The following MYO5A variants were observed in gnomAD, a reference collection of about 807,000 sequenced individuals.
MYO5A encodes the protein unconventional myosin-Va.
MYO5A carries 98 observed loss-of-function variants against 249.7 expected under a neutral mutation model. The observed-to-expected ratio is 0.39, with a 90% CI of 0.33 to 0.46. The LOEUF (loss-of-function observed/expected upper bound fraction) is 0.46, where lower values mean the gene tolerates loss of function less well. Among genes scored for constraint, MYO5A ranks in the 20% least tolerant of loss-of-function variants. The pLI is 0.98. For synonymous variants in MYO5A, 778 were observed against 810.6 expected, an observed-to-expected ratio of 0.96 and a Z score of 0.68; for missense variants, 1,696 against 2,308.8, an observed-to-expected ratio of 0.73 and a Z score of 5.44.
intron 1 of MYO5A, among the ~76,000 whole-genome samples, chr15:52,439,256 C>T (rs1479906891): frequency 6.6e-6 from 1 of 152,180 alleles, no homozygotes; most frequent in Admixed American, 6.5e-5. Context: ...GGAGCAAGGA[C>T]GACCCGGTAA....
At chr15:52,370,836 G>A (rs1397809612) in intron 21 of MYO5A, among the ~76,000 whole-genome samples, 1 of 152,198 alleles carries the variant, frequency 6.6e-6, no homozygotes, top group Non-Finnish European at 1.5e-5. Flanking sequence ...AAGTTGGCCA[G>A]GTGTAGTGGC....
chr15:52,521,038 G>C (rs1330630546), intron 1 of MYO5A, among the ~76,000 whole-genome samples: 1 of 152,040 alleles, frequency 6.6e-6, no homozygotes, highest in African/African-American at 2.4e-5. Context: ...GACCCGCCTG[G>C]CCAGTACTGT....
At position 52,396,348 on chromosome 15, in the gene MYO5A, C is replaced by A. The variant is rs902469654; in HGVS notation, c.1369G>T (p.Ala457Ser). 5.5e-5 allele frequency: 86 copies of A among 1,565,224 alleles called. No individual in the cohort carries two copies. Among genetic ancestry groups the A allele is most frequent in the Non-Finnish European group, 7.4e-5 (84 of 1,138,632 alleles). ...NSFEQFCINY[A>S]NEKLQQQFNM... ...AATTGTTGCTGTAGTTTTTCATTTG[C>A]ATAATTTATGCAAAACTGTTCAAAA... is the stretch of plus-strand genomic sequence containing the variant. Residue 457 changes from alanine to serine, a missense_variant, in exon 11 of 42, where the codon GCA becomes TCA. Around this residue, in one of 5 missense-constraint regions of MYO5A, gnomAD observed 277 missense variants for 422.4 expected, o/e 0.66. Coordinates refer to ENST00000399233, the MANE Select transcript of MYO5A (RefSeq NM_001382347.1).
intron 1 of MYO5A, among the ~76,000 whole-genome samples, chr15:52,478,770 TC>T (rs1385388941): frequency 2.0e-5 from 3 of 152,188 alleles, no homozygotes; most frequent in Non-Finnish European, 4.4e-5. Context: ...GACAAACTGT[TC>T]ACACGGGGAT....
chr15:52,360,023 T>C lies in MYO5A; in HGVS notation c.3368A>G (p.Glu1123Gly). 1 of 1,613,836 alleles carries C rather than the reference T, an allele frequency of 6.2e-7. No individual in the cohort carries two copies. Among genetic ancestry groups the C allele is most frequent in the Non-Finnish European group, 8.5e-7 (1 of 1,179,834 alleles). Residue 1123 changes from glutamate (E) to glycine (G), a missense_variant, in exon 25 of 42, where the codon GAA becomes GGA. Transcript: ENST00000399233. The part of the protein sequence containing the change: ...TDSTHSSNES[E>G]YIFSSEIAEM... ...TGCAATTTCAGAGCTAAAGATATAT[T>C]CAGACTCGTTGCTGCTGTGGGTGGA...
chr15:52,316,941 T>A, intron 40 of MYO5A, 107 bp downstream of exon 40: 2 of 1,247,164 alleles, frequency 1.6e-6, no homozygotes, highest in Non-Finnish European at 2.3e-6. Context: ...TGAACACAGA[T>A]GAAGTCAGCT....
intron 27 of MYO5A, 54 bp downstream of exon 27, chr15:52,353,551 G>A: frequency 6.9e-7 from 1 of 1,453,758 alleles, no homozygotes; most frequent in Non-Finnish European, 9.7e-7. Context: ...GGCTCTGAAT[G>A]GGCCTCTTGC....
In MYO5A at chr15:52,460,517, G is replaced by A. The variant is rs1042920740; in HGVS notation, c.28-27232C>T. On this transcript the variant is annotated intron_variant, in intron 1 of 41. Transcript: ENST00000399233. ...GAAAACCAGTCAGGTGTGGCGGCGC[G>A]CGCCTGCAATCCCAGGCACTCGGCA... is the stretch of plus-strand genomic sequence containing the variant. Among the ~76,000 whole-genome samples the A allele has an allele frequency of 5.3e-5, 8 of 152,174 alleles. No homozygotes were observed. The South Asian group carries it at 6.2e-4, about 12-fold the overall frequency.
chr15:52,316,232 A>T (rs7167437), intron 40 of MYO5A, among the ~76,000 whole-genome samples: 9,776 of 84,140 alleles, frequency 0.12, 1,337 homozygotes, highest in African/African-American at 0.31. Flanking sequence ...AGACTCCGTC[A>T]CAAAAAAAAA....
At chr15:52,373,423 G>A (rs1488354542) in intron 20 of MYO5A, among the ~76,000 whole-genome samples, 1 of 152,130 alleles carries the variant, frequency 6.6e-6, no homozygotes, top group African/African-American at 2.4e-5. Flanking sequence ...TGTAATTTTA[G>A]TCAAATGGAA....
At chr15:52,446,374 G>C (rs79105682) in intron 1 of MYO5A, among the ~76,000 whole-genome samples, 3,720 of 152,360 alleles carry the variant, frequency 0.024, 141 homozygotes, top group African/African-American at 0.085. Flanking sequence ...TAAGCCTGTA[G>C]GTGTACAGAA....
Position 52,433,282 on chromosome 15 carries a change from C to T in MYO5A, c.31G>A (p.Ala11Thr). 6.2e-7 allele frequency: 1 copy of T among 1,609,644 alleles called. No homozygotes were observed. The highest frequency in any genetic ancestry group is 1.1e-5 in the South Asian group (1 of 90,972). MAASELYTKF[A>T]RVWIPDPEEV... ...TCTGGATCAGGTATCCAAACCCTGG[C>T]AAACTAGAAGACAAAAAGAAAAAAA... The change falls in exon 2 of 42, where the codon GCC becomes ACC. Residue 11 changes from alanine to threonine, a missense_variant. Physicochemically the swap from Ala to Thr is moderately conservative, Grantham distance 58 (BLOSUM62 0). Coordinates refer to ENST00000399233, the MANE Select transcript of MYO5A (RefSeq NM_001382347.1).
At chr15:52,448,823 G>C (rs1353159171) in intron 1 of MYO5A, among the ~76,000 whole-genome samples, 1 of 151,920 alleles carries the variant, frequency 6.6e-6, no homozygotes, top group Non-Finnish European at 1.5e-5. Context: ...CTTCTGCCAT[G>C]ATTGTAAATT....
At chr15:52,358,936 G>A (rs937617178) in intron 25 of MYO5A, among the ~76,000 whole-genome samples, 7 of 152,200 alleles carry the variant, frequency 4.6e-5, no homozygotes, top group African/African-American at 1.7e-4. Flanking sequence ...GGATTGGAGA[G>A]TTGCAGTACA....
At position 52,318,456 on chromosome 15, in the gene MYO5A, CAAAAAA is replaced by C. The variant is rs35901511; in HGVS notation, c.5234+598_5234+603del. On this transcript the variant is annotated intron_variant, in intron 39 of 41. Transcript: ENST00000399233. ...GGGCAACAAGAGCAAAACTCCATCT[CAAAAAA>C]AAAAAAAAAAAAAAAAATTTGCAAA... Among the ~76,000 whole-genome samples the C allele has an allele frequency of 7.8e-3, 684 of 87,526 alleles. 2 individuals are homozygous for C. Among genetic ancestry groups the C allele is most frequent in the Middle Eastern group, 0.014 (2 of 142 alleles). The allele number at this position is 87,526 out of a possible 152,430, so 57.4% of individuals were successfully genotyped here.
At chr15:52,506,508 CAG>C (rs1261397685) in intron 1 of MYO5A, among the ~76,000 whole-genome samples, 1 of 139,898 alleles carries the variant, frequency 7.1e-6, no homozygotes, top group Non-Finnish European at 1.5e-5. Context: ...GCCTGGGCAA[CAG>C]AGTGAGACCC....
At chr15:52,486,189 A>G (rs1232576376) in intron 1 of MYO5A, among the ~76,000 whole-genome samples, 1 of 152,178 alleles carries the variant, frequency 6.6e-6, no homozygotes, top group Non-Finnish European at 1.5e-5. Flanking sequence ...GGAGGATGAG[A>G]GCAGAGCCTG....
chr15:52,460,657 G>C (rs1027213214), intron 1 of MYO5A, among the ~76,000 whole-genome samples: 2 of 109,962 alleles, frequency 1.8e-5, no homozygotes, highest in Non-Finnish European at 4.3e-5. Context: ...CGAGGACCGT[G>C]CGAGGGCGAG....
chr15:52,408,019 A>G (rs1273851363), intron 7 of MYO5A, 40 bp downstream of exon 7: 1 of 1,306,570 alleles, frequency 7.7e-7, no homozygotes, highest in Admixed American at 1.7e-5. Flanking sequence ...AATTAACAGA[A>G]AACAATACCA....
Sources: gnomAD v4.1 joint callset for allele counts (sites outside exome capture counted in the v4.1 genomes callset) on GRCh38, gnomAD v4.1.1 for gene constraint, gnomAD v4.1.1 regional missense constraint, MANE v1.5 for transcripts, NCBI Gene and HGNC (gene_info 2026-07-23, HGNC 2026-07-21) for gene names.